CPNE4: variants seen among roughly 807,000 people sequenced by gnomAD.
CPNE4 encodes the protein copine-4.
In CPNE4, 25 loss-of-function variants were observed where a neutral mutation model predicts 67.9. The observed-to-expected ratio is 0.37, with a 90% CI of 0.27 to 0.51. The LOEUF (loss-of-function observed/expected upper bound fraction) is 0.51. CPNE4 is among the 20% of genes least tolerant of loss of function. The pLI is 0.93. For synonymous variants in CPNE4, 242 were observed against 244.9 expected, an observed-to-expected ratio of 0.99 and a Z score of 0.11; for missense variants, 464 against 690.8, an observed-to-expected ratio of 0.67 and a Z score of 3.68.
At chr3:131,644,092 C>T (rs942213361) in intron 7 of CPNE4, among the ~76,000 whole-genome samples, 1 of 152,072 alleles carries the variant, frequency 6.6e-6, no homozygotes, top group African/African-American at 2.4e-5. Flanking sequence ...ATGCATCACC[C>T]AGAGGGCTTG....
intron 9 of CPNE4, 92 bp downstream of exon 9, chr3:131,581,487 T>G: frequency 2.5e-6 from 2 of 812,770 alleles, no homozygotes; most frequent in Admixed American, 2.2e-5. Context: ...TCACATCTTT[T>G]TGATACTCTT....
intron 2 of CPNE4, among the ~76,000 whole-genome samples, chr3:131,801,792 A>G (rs912657738): frequency 5.5e-5 from 8 of 146,580 alleles, no homozygotes; most frequent in African/African-American, 2.0e-4. Flanking sequence ...AGTATTCAGT[A>G]AATGCTCAAC....
In CPNE4 at chr3:131,819,362, C is replaced by T. The variant is rs181148073; in HGVS notation, c.180+85902G>A. Reference sequence around the variant, plus strand: ...GAGAACAATTTGATCTCAATATAGGCTAGACTTAGTAGGAGAAAATGTAAT... The same window carrying T: ...GAGAACAATTTGATCTCAATATAGGTTAGACTTAGTAGGAGAAAATGTAAT... On this transcript the variant is annotated intron_variant, in intron 2 of 15. Transcript: ENST00000429747. Among the ~76,000 whole-genome samples, 4 of 152,214 alleles carry T rather than the reference C, an allele frequency of 2.6e-5. No homozygotes were observed. The East Asian group carries it at 7.7e-4, about 29-fold the overall frequency.
intron 2 of CPNE4, among the ~76,000 whole-genome samples, chr3:131,746,459 A>G (rs182886677): frequency 6.6e-6 from 1 of 152,142 alleles, no homozygotes; most frequent in Non-Finnish European, 1.5e-5. Context: ...GGTAGCTACA[A>G]TTCTACTCTC....
At chr3:131,689,710 C>A (rs9865028) in intron 5 of CPNE4, among the ~76,000 whole-genome samples, 1 of 151,966 alleles carries the variant, frequency 6.6e-6, no homozygotes, top group African/African-American at 2.4e-5. Context: ...TAAAAGTCCT[C>A]GCCAGAGCAC....
chr3:131,973,745 C>T (rs1373388288), intron 1 of CPNE4, among the ~76,000 whole-genome samples: 1 of 152,160 alleles, frequency 6.6e-6, no homozygotes, highest in African/African-American at 2.4e-5. Flanking sequence ...ACAGTTATAG[C>T]AGTGGAAGAA....
intron 14 of CPNE4, among the ~76,000 whole-genome samples, chr3:131,547,380 A>C (rs2107637911): frequency 7.1e-6 from 1 of 140,714 alleles, no homozygotes; most frequent in East Asian, 2.2e-4. Context: ...GCTTCAGCCC[A>C]AAAGGTTCAA....
intron 2 of CPNE4, among the ~76,000 whole-genome samples, chr3:131,758,807 A>G (rs960011389): frequency 2.0e-5 from 3 of 152,046 alleles, no homozygotes; most frequent in Non-Finnish European, 2.9e-5. Flanking sequence ...GTGATAGTGA[A>G]TAAGTATCAA....
intron 10 of CPNE4, among the ~76,000 whole-genome samples, chr3:131,573,641 C>T (rs888908742): frequency 4.6e-5 from 7 of 152,180 alleles, no homozygotes; most frequent in South Asian, 2.1e-4. Flanking sequence ...CCTGAAATCA[C>T]GTTTTTGCCT....
intron 5 of CPNE4, among the ~76,000 whole-genome samples, chr3:131,691,182 A>G (rs1171176429): frequency 6.6e-6 from 1 of 152,180 alleles, no homozygotes; most frequent in African/African-American, 2.4e-5. Context: ...ACTACCGTTC[A>G]ACCCAGCCAT....
chr3:131,916,928 T>C (rs1370448581), intron 1 of CPNE4, among the ~76,000 whole-genome samples: 1 of 152,206 alleles, frequency 6.6e-6, no homozygotes, highest in Admixed American at 6.5e-5. Flanking sequence ...GATAAGTCTG[T>C]CATTGCCCTA....
At chr3:131,754,734 G>A (rs1466753652) in intron 2 of CPNE4, among the ~76,000 whole-genome samples, 2 of 152,124 alleles carry the variant, frequency 1.3e-5, no homozygotes, top group Admixed American at 6.6e-5. Context: ...CCTGTGCCAC[G>A]AAGCTATGGG....
intron 2 of CPNE4, among the ~76,000 whole-genome samples, chr3:131,812,280 G>T (rs943440767): frequency 2.0e-5 from 3 of 150,594 alleles, no homozygotes; most frequent in Admixed American, 2.0e-4. Context: ...AATCAATAAA[G>T]TTACAGACAT....
chr3:131,824,596 A>G (rs2085083262), intron 2 of CPNE4, among the ~76,000 whole-genome samples: 1 of 152,170 alleles, frequency 6.6e-6, no homozygotes, highest in Non-Finnish European at 1.5e-5. Context: ...TTTTATTCAT[A>G]TTTAAGCAAG....
intron 9 of CPNE4, among the ~76,000 whole-genome samples, chr3:131,575,577 C>A (rs920956295): frequency 6.6e-6 from 1 of 152,138 alleles, no homozygotes; most frequent in Non-Finnish European, 1.5e-5. Flanking sequence ...AGGTAATTTA[C>A]TGACAATTTC....
chr3:131,838,067 A>C (rs1003743351), intron 2 of CPNE4, among the ~76,000 whole-genome samples: 1 of 151,950 alleles, frequency 6.6e-6, no homozygotes, highest in Non-Finnish European at 1.5e-5. Context: ...CCTCAGCTTT[A>C]GGCAACTTTC....
chr3:131,566,261 T>C (rs1308145662), intron 10 of CPNE4, among the ~76,000 whole-genome samples: 1 of 151,720 alleles, frequency 6.6e-6, no homozygotes, highest in African/African-American at 2.4e-5. Context: ...GTGACCAAAA[T>C]GGGTGTAAAA....
intron 12 of CPNE4, 58 bp downstream of exon 12, chr3:131,555,439 G>T: frequency 2.0e-6 from 3 of 1,492,630 alleles, no homozygotes; most frequent in Non-Finnish European, 2.8e-6. Context: ...GCAAAGAAGA[G>T]CCAAGTTATC....
chr3:131,643,435 C>T (rs1054554433), intron 7 of CPNE4, among the ~76,000 whole-genome samples: 1 of 152,148 alleles, frequency 6.6e-6, no homozygotes, highest in Non-Finnish European at 1.5e-5. Flanking sequence ...AATGCCTGTA[C>T]CCTCATTGCA....
Sources: allele counts gnomAD v4.1 joint callset (sites outside exome capture counted in the v4.1 genomes callset), GRCh38; gene constraint gnomAD v4.1.1; transcripts MANE v1.5; gene names NCBI Gene and HGNC (gene_info 2026-07-23, HGNC 2026-07-21).